Variants in PPL observed in about 807,000 individuals in gnomAD.
PPL encodes the protein 190 kDa paraneoplastic pemphigus antigen.
Under a neutral mutation model 194.4 loss-of-function variants are expected in PPL, and 198 were observed. The observed-to-expected ratio is 1.02, with a 90% confidence interval of 0.91 to 1.15. PPL has a LOEUF of 1.15. PPL is among the 50% of genes most tolerant of loss of function. PPL has a pLI of 0.00. For synonymous variants in PPL, 1,220 were observed against 972.4 expected (o/e 1.25, Z -4.74); for missense variants, 2,885 against 2,294.8 (o/e 1.26, Z -5.25).
chr16:4,914,866 C>T (rs2088888981), intron 1 of PPL, among the ~76,000 whole-genome samples: 1 of 152,138 alleles, frequency 6.6e-6, no homozygotes, highest in Non-Finnish European at 1.5e-5. Context: ...CATTCCCTAA[C>T]CCCCCACTTC....
At position 4,889,241 on chromosome 16, in the gene PPL, G is replaced by GGTTTTTTTTTTTTTTTTTTTTTT. The variant is rs1442783436; in HGVS notation, c.2314-181_2314-180insAAAAAAAAAAAAAAAAAAAAAAC. Among the ~76,000 whole-genome samples the GGTTTTTTTTTTTTTTTTTTTTTT allele has an allele frequency of 4.4e-4, 29 of 66,636 alleles. 7 individuals carry two copies. Among genetic ancestry groups the GGTTTTTTTTTTTTTTTTTTTTTT allele is most frequent in the Non-Finnish European group, 5.5e-4 (22 of 40,350 alleles). 43.7% of individuals were successfully genotyped at this position (66,636 alleles called of 152,430 possible). A position where few individuals can be genotyped will look rare whatever the true frequency, so the allele number is the denominator to read the frequency against. On this transcript the variant is annotated intron_variant, in intron 18 of 21. Transcript: ENST00000345988. ...AAAAGGCAGTTTTTTTGTTGTTGTT[G>GGTTTTTTTTTTTTTTTTTTTTTT]TTTTTTTTTTTTTTTTTTTTTTTTT...
rs1412871634 is a variant in PPL at position 4,897,764 on chromosome 16, T to C, written c.883A>G (p.Met295Val). 4 of 1,613,640 alleles carry C rather than the reference T, an allele frequency of 2.5e-6. No individual in the cohort carries two copies. The highest frequency in any genetic ancestry group is 1.1e-5 in the South Asian group (1 of 91,034). Residue 295 changes from methionine to valine, a missense_variant, in exon 9 of 22, where the codon ATG becomes GTG. Coordinates refer to ENST00000345988, the MANE Select transcript of PPL (RefSeq NM_002705.5). Reference sequence around the variant, plus strand: ...TTCCAGTCTGCGTGCACAGCCTCCATGTGCGCCTGCCAGGAAGAGAAGGGG... The same window carrying C: ...TTCCAGTCTGCGTGCACAGCCTCCACGTGCGCCTGCCAGGAAGAGAAGGGG... ...HPGRNSIEAH[M>V]EAVHADWKEY... is the part of the protein sequence containing the mutation.
At chr16:4,890,679 G>T (rs1197683574) in intron 17 of PPL, 49 bp downstream of exon 17, 1 of 1,545,228 alleles carries the variant, frequency 6.5e-7, no homozygotes. Flanking sequence ...GAGGGAATTA[G>T]ATCGCATTCT....
chr16:4,926,658 G>A (rs950822805), intron 1 of PPL, among the ~76,000 whole-genome samples: 2 of 152,072 alleles, frequency 1.3e-5, no homozygotes, highest in Non-Finnish European at 1.5e-5. Flanking sequence ...GGCAGATCAC[G>A]AGGTCAGGAG....
chr16:4,910,953 C>T lies in PPL; in HGVS notation c.63-4G>A, dbSNP rs117641876. 3.4e-4 allele frequency: 549 copies of T among 1,610,556 alleles called. 5 individuals carry two copies. The East Asian group carries it at 8.3e-3, about 24-fold the overall frequency. On this transcript the variant is annotated splice_polypyrimidine_tract_variant and splice_region_variant and intron_variant, in intron 1 of 21. Coordinates refer to ENST00000345988, the MANE Select transcript of PPL (RefSeq NM_002705.5). ...CGAGAGCTCCTTGTTAGAGATGCTG[C>T]GGGCAGAAGCCGAGGGGAGATGGGC...
chr16:4,885,940 C>T lies in PPL; in HGVS notation c.2715G>A (p.Arg905=). 1 of 1,613,320 alleles carries T rather than the reference C, an allele frequency of 6.2e-7. No homozygotes were observed. The highest frequency in any genetic ancestry group is 8.5e-7 in the Non-Finnish European group (1 of 1,180,038). Residue 905 remains arginine, a synonymous_variant, in exon 22 of 22, where the codon CGG becomes CGA. Transcript: ENST00000345988. The surrounding 1 kb of genome is among the most constrained non-coding windows in gnomAD (Gnocchi z 6.3). ...TGACCTCGTTCTCCAGCTGCCGCCTCCGCTCAGTCTCCTCATCCAGTTCCT... is the reference window on the plus strand; with the variant it reads ...TGACCTCGTTCTCCAGCTGCCGCCTTCGCTCAGTCTCCTCATCCAGTTCCT... ...IRKELDEETE[R]RRQLENEVKS... is the part of the protein sequence containing the mutation.
rs771567112 is a variant in PPL, at chr16:4,910,944, G to C, written c.68C>G (p.Ser23Cys). The change falls in exon 2 of 22, where the codon TCT (serine) becomes TGT (cysteine). Residue 23 changes from serine to cysteine, a missense_variant. Transcript: ENST00000345988. ...YSPTVQTRSISNKELSELIEQ... is the reference protein window; with the variant it reads ...YSPTVQTRSICNKELSELIEQ... ...GATCAGCTCCGAGAGCTCCTTGTTA[G>C]AGATGCTGCGGGCAGAAGCCGAGGG... The C allele has an allele frequency of 6.2e-7, 1 of 1,612,190 alleles. No homozygotes were observed. The highest frequency in any genetic ancestry group is 8.5e-7 in the Non-Finnish European group (1 of 1,179,880).
intron 21 of PPL, among the ~76,000 whole-genome samples, chr16:4,886,292 C>A (rs1298227260): frequency 6.6e-6 from 1 of 152,226 alleles, no homozygotes; most frequent in African/African-American, 2.4e-5. Flanking sequence ...CGGTCTCCCA[C>A]CTCTGGTCCC....
chr16:4,882,611 G>C lies in PPL; in HGVS notation c.*773C>G, dbSNP rs142656933. The C allele has an allele frequency of 2.0e-5, 3 of 152,336 alleles. No individual in the cohort carries two copies. Among genetic ancestry groups the C allele is most frequent in the Non-Finnish European group, 4.4e-5 (3 of 68,044 alleles). 9.4% of individuals were successfully genotyped at this position (152,336 alleles called of 1,614,324 possible). ...GTTCTACATGAGATACAGAGACCCAGATATTGGCGTGGTGAATAATCAACT... is the reference window on the plus strand; with the variant it reads ...GTTCTACATGAGATACAGAGACCCACATATTGGCGTGGTGAATAATCAACT... On this transcript the variant is annotated 3_prime_UTR_variant, in exon 22 of 22. Coordinates refer to ENST00000345988, the MANE Select transcript of PPL (RefSeq NM_002705.5).
chr16:4,897,817 A>T, intron 8 of PPL, 47 bp from the exon 9 acceptor site: 1 of 1,480,436 alleles, frequency 6.8e-7, no homozygotes, highest in Non-Finnish European at 9.4e-7. Flanking sequence ...GGTACTGCAG[A>T]CACCAAGGGA....
At chr16:4,888,271 C>T (rs1244517608) in intron 19 of PPL, 53 bp from the exon 20 acceptor site, 4 of 1,331,046 alleles carry the variant, frequency 3.0e-6, no homozygotes, top group Non-Finnish European at 4.3e-6. Context: ...TGAGAAGAGA[C>T]AGACATGTTC....
At position 4,893,355 on chromosome 16, in the gene PPL, T is replaced by C. The variant is rs747824896; in HGVS notation, c.1508A>G (p.Gln503Arg). 4.6e-5 allele frequency: 74 copies of C among 1,607,310 alleles called. No homozygotes were observed. The highest frequency in any genetic ancestry group is 5.9e-5 in the Non-Finnish European group (70 of 1,179,786). Residue 503 changes from glutamine (Q) to arginine (R), a missense_variant, in exon 14 of 22, where the codon CAG becomes CGG. Physicochemically the swap from Gln to Arg is conservative, Grantham distance 43. Coordinates refer to ENST00000345988, the MANE Select transcript of PPL (RefSeq NM_002705.5). Reference protein sequence around the residue: ...TENPGDASDLQGRQLLAGLDK... With the variant: ...TENPGDASDLRGRQLLAGLDK... ...CAAGCCAGCCAGCAGCTGCCGCCCC[T>C]GTAGGTCAGAGGCATCTGTGGAGGG...
At position 4,884,060 on chromosome 16, in the gene PPL, T is replaced by C; in HGVS notation, c.4595A>G (p.Glu1532Gly). 6.2e-7 allele frequency: 1 copy of C among 1,613,304 alleles called. No individual in the cohort carries two copies. The highest frequency in any genetic ancestry group is 2.2e-5 in the East Asian group (1 of 44,868). ...SLEEESRSKRELDVEVSRLEA... is the reference protein window; with the variant it reads ...SLEEESRSKRGLDVEVSRLEA... Reference sequence around the variant, plus strand: ...CAGCCGGCTCACCTCGACGTCCAGCTCGCGCTTGCTGCGGCTCTCCTCCTC... The same window carrying C: ...CAGCCGGCTCACCTCGACGTCCAGCCCGCGCTTGCTGCGGCTCTCCTCCTC... Residue 1532 changes from glutamate (E) to glycine (G), a missense_variant, in exon 22 of 22, where the codon GAG becomes GGG. By Grantham distance (98) the Glu-to-Gly change is moderately conservative. Transcript: ENST00000345988. This position sits in a 1 kb window ranked among gnomAD's most constrained non-coding sequence, Gnocchi z 5.7.
At position 4,902,597 on chromosome 16, in the gene PPL, C is replaced by G. The variant is rs2048098; in HGVS notation, c.318-71G>C. On this transcript the variant is annotated intron_variant, in intron 3 of 21. Transcript: ENST00000345988. The surrounding 1 kb of genome is among the most constrained non-coding windows in gnomAD (Gnocchi z 4.0). ...CTGCACCCCAGGAGGGGCCCCCCAC[C>G]CAGACCCCGGCCTCAGTGTCCTGGA... 0.55 allele frequency: 853,284 copies of G among 1,556,680 alleles called. 239,724 individuals carry two copies. Among genetic ancestry groups the G allele is most frequent in the East Asian group, 0.65 (28,297 of 43,302 alleles).
At chr16:4,924,930 T>G (rs2089128437) in intron 1 of PPL, among the ~76,000 whole-genome samples, 1 of 152,242 alleles carries the variant, frequency 6.6e-6, no homozygotes, top group Admixed American at 6.5e-5. Context: ...CGCCCAGAAC[T>G]GCTGTGTCCC....
At chr16:4,909,971 C>G (rs2142383931) in intron 2 of PPL, among the ~76,000 whole-genome samples, 1 of 152,360 alleles carries the variant, frequency 6.6e-6, no homozygotes, top group South Asian at 2.1e-4. Context: ...GGCACCATCT[C>G]TGTCACTGAC....
Position 4,894,457 on chromosome 16 carries a change from G to T in PPL, c.1394+10C>A, listed in dbSNP as rs2088380073. The T allele has an allele frequency of 1.9e-6, 3 of 1,613,588 alleles. No individual in the cohort carries two copies. Among genetic ancestry groups the T allele is most frequent in the Middle Eastern group, 1.7e-4 (1 of 6,052 alleles). On this transcript the variant is annotated intron_variant, in intron 12 of 21. Coordinates refer to ENST00000345988, the MANE Select transcript of PPL (RefSeq NM_002705.5). ...CTGGTCCATGCAGACTCCCGCCTTT[G>T]CCCTTGTACCTGTCAGCCAGAGCCA...
intron 1 of PPL, among the ~76,000 whole-genome samples, chr16:4,933,933 G>A (rs902940517): frequency 2.6e-5 from 4 of 152,192 alleles, no homozygotes; most frequent in Non-Finnish European, 4.4e-5. Flanking sequence ...ACCTGCGGCC[G>A]CTTATCATTC....
chr16:4,918,236 T>G (rs559444851), intron 1 of PPL, among the ~76,000 whole-genome samples: 16 of 148,756 alleles, frequency 1.1e-4, no homozygotes, highest in African/African-American at 4.0e-4. Context: ...GAGGTTGCAG[T>G]GAGCCGAGAT....
Sources: gnomAD v4.1 joint callset for allele counts (sites outside exome capture counted in the v4.1 genomes callset) on GRCh38, gnomAD v4.1.1 for gene constraint, Gnocchi (gnomAD v3.1) non-coding constraint, MANE v1.5 for transcripts, NCBI Gene and HGNC (gene_info 2026-07-23, HGNC 2026-07-21) for gene names.